Variants in STAU2 observed in about 807,000 individuals in gnomAD.
The protein encoded by STAU2 is double-stranded RNA-binding protein Staufen homolog 2.
In STAU2, 20 loss-of-function variants were observed where a neutral mutation model predicts 65.9. The observed-to-expected ratio is 0.30, with a 90% CI of 0.21 to 0.44. STAU2 has a LOEUF of 0.44. Ranked by LOEUF, STAU2 falls within the 20% of genes least tolerant of loss-of-function variation. The pLI is 1.00. For missense variants in STAU2, 558 were observed against 683.9 expected, an observed-to-expected ratio of 0.82 and a Z score of 2.05; for synonymous variants, 232 against 233.9, an observed-to-expected ratio of 0.99 and a Z score of 0.07.
intron 9 of STAU2, among the ~76,000 whole-genome samples, chr8:73,610,795 A>T (rs1019164854): frequency 2.0e-5 from 3 of 152,228 alleles, no homozygotes; most frequent in Non-Finnish European, 4.4e-5. Context: ...AAACACAAAG[A>T]CATTATCAGG....
intron 11 of STAU2, among the ~76,000 whole-genome samples, chr8:73,594,056 T>C (rs555561296): frequency 1.3e-5 from 2 of 152,342 alleles, no homozygotes; most frequent in East Asian, 1.9e-4. Flanking sequence ...GAGATTTATT[T>C]TGACATATTT....
intron 5 of STAU2, among the ~76,000 whole-genome samples, chr8:73,681,025 A>G (rs1306332196): frequency 2.0e-5 from 3 of 152,094 alleles, no homozygotes; most frequent in Non-Finnish European, 2.9e-5. Context: ...AGAAAAATCT[A>G]AAAGTTTGGA....
chr8:73,502,579 G>A (rs191804435), intron 13 of STAU2, among the ~76,000 whole-genome samples: 1 of 152,148 alleles, frequency 6.6e-6, no homozygotes, highest in East Asian at 1.9e-4. Flanking sequence ...GCTAGTAAAA[G>A]GCCCGAATGC....
At chr8:73,747,213 G>T, upstream of STAU2, 1 of 718,786 alleles carries the variant, frequency 1.4e-6, no homozygotes, top group Non-Finnish European at 2.1e-6. Context: ...TGCGCAAGGA[G>T]CGCGCCCGGT....
intron 6 of STAU2, among the ~76,000 whole-genome samples, chr8:73,658,679 C>T (rs528021571): frequency 6.6e-6 from 1 of 152,098 alleles, no homozygotes; most frequent in East Asian, 1.9e-4. Flanking sequence ...CTTTGGGAGC[C>T]CGAGGCGGGT....
intron 13 of STAU2, chr8:73,549,514 A>T: frequency 2.2e-6 from 1 of 456,392 alleles, no homozygotes; most frequent in Non-Finnish European, 2.9e-6. Flanking sequence ...TTGGATACCT[A>T]CATTCAGTTG....
At chr8:73,470,938 T>C (rs1409949790) in intron 13 of STAU2, among the ~76,000 whole-genome samples, 1 of 152,148 alleles carries the variant, frequency 6.6e-6, no homozygotes, top group Non-Finnish European at 1.5e-5. Flanking sequence ...TGAGTAGAGA[T>C]TGAGTTACTT....
intron 3 of STAU2, among the ~76,000 whole-genome samples, chr8:73,723,517 T>A (rs1367565736): frequency 2.6e-5 from 4 of 152,252 alleles, no homozygotes; most frequent in African/African-American, 9.6e-5. Flanking sequence ...CAATTATTCA[T>A]CTATTTGGCT....
chr8:73,522,744 A>G (rs1823109320), intron 13 of STAU2, among the ~76,000 whole-genome samples: 1 of 152,186 alleles, frequency 6.6e-6, no homozygotes, highest in Admixed American at 6.5e-5. Flanking sequence ...CATTCTCTCC[A>G]AGACATCACG....
intron 6 of STAU2, among the ~76,000 whole-genome samples, chr8:73,636,258 T>C (rs1209534127): frequency 2.6e-5 from 4 of 152,110 alleles, no homozygotes; most frequent in African/African-American, 9.7e-5. Flanking sequence ...GTGCCTATAG[T>C]CCTAGCTACT....
intron 6 of STAU2, among the ~76,000 whole-genome samples, chr8:73,651,882 T>C (rs1421832534): frequency 6.6e-6 from 1 of 152,236 alleles, no homozygotes; most frequent in Admixed American, 6.5e-5. Flanking sequence ...CTGTTTACAT[T>C]GTGGAGGCAC....
At chr8:73,422,102 T>C (rs889183926) in intron 14 of STAU2, among the ~76,000 whole-genome samples, 5 of 152,206 alleles carry the variant, frequency 3.3e-5, no homozygotes, top group African/African-American at 1.2e-4. Flanking sequence ...CTTTTGCCCG[T>C]GTAGCCCTTG....
chr8:73,682,645 AAAAG>A (rs1818515429), intron 5 of STAU2, among the ~76,000 whole-genome samples: 2 of 152,174 alleles, frequency 1.3e-5, no homozygotes, highest in Non-Finnish European at 2.9e-5. Context: ...AAATTGAAAC[AAAAG>A]AAATACAAAA....
chr8:73,741,992 G>A (rs1806917557), intron 1 of STAU2, among the ~76,000 whole-genome samples: 1 of 152,082 alleles, frequency 6.6e-6, no homozygotes, highest in Admixed American at 6.5e-5. Flanking sequence ...TCTGTAATTG[G>A]CTAACATTCT....
chr8:73,633,462 A>C (rs1814251245), intron 6 of STAU2, among the ~76,000 whole-genome samples: 1 of 152,198 alleles, frequency 6.6e-6, no homozygotes, highest in East Asian at 1.9e-4. Context: ...GACTAGCAGA[A>C]GGACAAGTTC....
intron 13 of STAU2, among the ~76,000 whole-genome samples, chr8:73,534,985 G>C (rs1197818669): frequency 6.6e-6 from 1 of 152,140 alleles, no homozygotes; most frequent in African/African-American, 2.4e-5. Context: ...GATAAGCTTT[G>C]AAAATTACAT....
At chr8:73,451,869 G>A (rs1180549020) in intron 13 of STAU2, among the ~76,000 whole-genome samples, 6 of 152,206 alleles carry the variant, frequency 3.9e-5, no homozygotes, top group Non-Finnish European at 8.8e-5. Flanking sequence ...ATTTCAAAGG[G>A]ACACAAAAAC....
chr8:73,539,480 T>C (rs1395425924), intron 13 of STAU2, among the ~76,000 whole-genome samples: 2 of 152,054 alleles, frequency 1.3e-5, no homozygotes, highest in Non-Finnish European at 1.5e-5. Flanking sequence ...AAAATATAAT[T>C]ACGCAAAATA....
At chr8:73,559,738 T>C (rs1306992797) in intron 12 of STAU2, among the ~76,000 whole-genome samples, 2 of 152,168 alleles carry the variant, frequency 1.3e-5, no homozygotes, top group Non-Finnish European at 2.9e-5. Context: ...GCTGCCCTGT[T>C]GTTGGGATCA....
Sources: gnomAD v4.1 joint callset for allele counts (sites outside exome capture counted in the v4.1 genomes callset) on GRCh38, gnomAD v4.1.1 for gene constraint, MANE v1.5 for transcripts, NCBI Gene and HGNC (gene_info 2026-07-23, HGNC 2026-07-21) for gene names.